Variants in SGCZ observed in about 807,000 individuals in gnomAD.
SGCZ encodes zeta-sarcoglycan.
Under a neutral mutation model 41.3 loss-of-function variants are expected in SGCZ, and 40 were observed. The observed-to-expected ratio is 0.97, with a 90% CI of 0.75 to 1.26. The LOEUF (loss-of-function observed/expected upper bound fraction) is 1.26. SGCZ is among the 50% of genes most tolerant of loss of function. The pLI, the probability that SGCZ is intolerant of heterozygous loss-of-function variation, is 0.00. For synonymous variants in SGCZ, 206 were observed against 137.5 expected, an observed-to-expected ratio of 1.50 and a Z score of -3.49; for missense variants, 552 against 369.8, an observed-to-expected ratio of 1.49 and a Z score of -4.04.
At chr8:14,491,622 T>C (rs1001359777) in intron 2 of SGCZ, among the ~76,000 whole-genome samples, 1 of 152,180 alleles carries the variant, frequency 6.6e-6, no homozygotes, top group Non-Finnish European at 1.5e-5. Flanking sequence ...TGTGTGTTAA[T>C]GTTTGCTTGC....
At chr8:14,684,598 A>G (rs1180238313) in intron 1 of SGCZ, among the ~76,000 whole-genome samples, 1 of 152,204 alleles carries the variant, frequency 6.6e-6, no homozygotes, top group Non-Finnish European at 1.5e-5. Flanking sequence ...ACACACAAGC[A>G]AATAAGTGTA....
At chr8:15,086,519 T>G (rs535893070) in intron 1 of SGCZ, among the ~76,000 whole-genome samples, 10 of 152,312 alleles carry the variant, frequency 6.6e-5, no homozygotes, top group African/African-American at 2.4e-4. Flanking sequence ...TTGTTCCATC[T>G]TCTCTTCCAC....
At chr8:14,639,427 T>C (rs1178329962) in intron 1 of SGCZ, among the ~76,000 whole-genome samples, 2 of 151,684 alleles carry the variant, frequency 1.3e-5, no homozygotes, top group Non-Finnish European at 3.0e-5. Context: ...ACAAGAGGGA[T>C]AGATTACTTC....
rs200291523 is a variant in SGCZ at position 14,847,788 on chromosome 8, TAAA to T, written c.40-292865_40-292863del. On this transcript the variant is annotated intron_variant, in intron 1 of 7. Coordinates refer to ENST00000382080, the MANE Select transcript of SGCZ (RefSeq NM_139167.4). The stretch of plus-strand genomic sequence containing the variant: ...CCGCAGCTAACATCATAGTTAATGG[TAAA>T]AAAAAAAAAAAAAAAAACCTGACTG... 5.9e-3 allele frequency among the ~76,000 whole-genome samples: 621 copies of T among 105,080 alleles called. 3 individuals carry two copies. Among genetic ancestry groups the T allele is most frequent in the South Asian group, 0.021 (61 of 2,924 alleles). The allele number at this position is 105,080 out of a possible 152,430, so 68.9% of individuals were successfully genotyped here.
chr8:14,952,932 T>A (rs1200394767), intron 1 of SGCZ, among the ~76,000 whole-genome samples: 1 of 152,172 alleles, frequency 6.6e-6, no homozygotes, highest in East Asian at 1.9e-4. Context: ...ACAAATGAAA[T>A]CAACACTGCA....
At chr8:15,053,671 G>C (rs181239305) in intron 1 of SGCZ, among the ~76,000 whole-genome samples, 3 of 152,084 alleles carry the variant, frequency 2.0e-5, no homozygotes, top group African/African-American at 4.8e-5. Context: ...TCTTTATTTG[G>C]GGGGGTTGGG....
At chr8:14,235,059 G>C (rs1045925284) in intron 4 of SGCZ, among the ~76,000 whole-genome samples, 8 of 152,110 alleles carry the variant, frequency 5.3e-5, no homozygotes, top group Admixed American at 1.3e-4. Context: ...ACCGTTTGTA[G>C]ACACTGACAA....
At chr8:14,637,856 G>A (rs1428492594) in intron 1 of SGCZ, among the ~76,000 whole-genome samples, 8 of 151,644 alleles carry the variant, frequency 5.3e-5, no homozygotes, top group Non-Finnish European at 1.2e-4. Context: ...TTGCTTCACT[G>A]GCTGGTAGCT....
intron 1 of SGCZ, among the ~76,000 whole-genome samples, chr8:15,021,318 C>A (rs1259295799): frequency 1.3e-5 from 2 of 152,128 alleles, no homozygotes; most frequent in East Asian, 1.9e-4. Context: ...GTACTCTCTA[C>A]AACTGGAAAA....
At chr8:15,200,982 C>G (rs1300584595) in intron 1 of SGCZ, among the ~76,000 whole-genome samples, 1 of 152,130 alleles carries the variant, frequency 6.6e-6, no homozygotes, top group African/African-American at 2.4e-5. Context: ...CAAACTCTCT[C>G]CCTTCCCCCA....
intron 2 of SGCZ, among the ~76,000 whole-genome samples, chr8:14,450,496 G>A (rs1429375354): frequency 6.6e-6 from 1 of 152,138 alleles, no homozygotes; most frequent in Non-Finnish European, 1.5e-5. Context: ...ACAGTCATAT[G>A]CCTTATCGAG....
chr8:14,118,708 G>A (rs1802600091), intron 5 of SGCZ, among the ~76,000 whole-genome samples: 1 of 152,118 alleles, frequency 6.6e-6, no homozygotes, highest in South Asian at 2.1e-4. Flanking sequence ...TTACATTTAG[G>A]TCTGTAATCC....
chr8:15,005,574 C>T (rs944566232), intron 1 of SGCZ, among the ~76,000 whole-genome samples: 1 of 151,772 alleles, frequency 6.6e-6, no homozygotes, highest in Non-Finnish European at 1.5e-5. Context: ...CAGGTTGTTC[C>T]GCCCACCTTG....
At chr8:14,872,885 C>A (rs1261203054) in intron 1 of SGCZ, among the ~76,000 whole-genome samples, 1 of 152,082 alleles carries the variant, frequency 6.6e-6, no homozygotes, top group Non-Finnish European at 1.5e-5. Context: ...ATTTGATTTG[C>A]ATTTTCTCCT....
chr8:14,804,096 G>A (rs1389619290), intron 1 of SGCZ, among the ~76,000 whole-genome samples: 1 of 93,956 alleles, frequency 1.1e-5, no homozygotes, highest in Non-Finnish European at 1.9e-5. Flanking sequence ...CATCATCAAA[G>A]ACCAAAAGTA....
intron 1 of SGCZ, among the ~76,000 whole-genome samples, chr8:14,952,084 T>A (rs1309254912): frequency 1.3e-5 from 2 of 152,046 alleles, no homozygotes; most frequent in African/African-American, 4.8e-5. Flanking sequence ...TAAGATTTCA[T>A]CAAAAATGAA....
chr8:14,500,192 T>C (rs1348839637), intron 2 of SGCZ, among the ~76,000 whole-genome samples: 6 of 152,130 alleles, frequency 3.9e-5, no homozygotes, highest in African/African-American at 1.4e-4. Flanking sequence ...AAGAATCGCT[T>C]AAAATATAAT....
Position 14,107,440 on chromosome 8 carries a change from T to C in SGCZ, c.620+723A>G, listed in dbSNP as rs569824794. On this transcript the variant is annotated intron_variant, in intron 6 of 7. Transcript: ENST00000382080. ...GACATAGCTTATTCCATTGGAAATA[T>C]TAGACTGAGGAACCCCATCATAGTC... Among the ~76,000 whole-genome samples, 6 of 152,206 alleles carry C rather than the reference T, an allele frequency of 3.9e-5. No homozygotes were observed. In the South Asian group the frequency reaches 1.2e-3, roughly 32 times the overall value.
At chr8:14,965,363 C>T (rs2130857332) in intron 1 of SGCZ, among the ~76,000 whole-genome samples, 1 of 152,158 alleles carries the variant, frequency 6.6e-6, no homozygotes, top group South Asian at 2.1e-4. Flanking sequence ...TGGGATTTGA[C>T]TGGTGCATAT....
Sources: allele counts gnomAD v4.1 joint callset (sites outside exome capture counted in the v4.1 genomes callset), GRCh38; gene constraint gnomAD v4.1.1; transcripts MANE v1.5; gene names NCBI Gene and HGNC (gene_info 2026-07-23, HGNC 2026-07-21).